WDR87: variants seen among roughly 807,000 people sequenced by gnomAD.
WDR87 encodes WD repeat domain 87.
Under a neutral mutation model 83.3 loss-of-function variants are expected in WDR87, and 56 were observed. That is an observed-to-expected ratio of 0.67 (90% CI 0.54 to 0.84). WDR87 has a LOEUF of 0.84. WDR87 is among the 40% of genes least tolerant of loss of function. The pLI is 0.00. For synonymous variants in WDR87, 1,173 were observed against 1,250.6 expected (o/e 0.94, Z 1.31); for missense variants, 2,939 against 3,431.9 (o/e 0.86, Z 3.59).
rs948952042 is a variant in WDR87 at position 37,888,741 on chromosome 19, C to T, written c.4930G>A (p.Glu1644Lys). 28 of 1,551,756 alleles carry T rather than the reference C, an allele frequency of 1.8e-5. No homozygotes were observed. The highest frequency in any genetic ancestry group is 2.2e-5 in the Non-Finnish European group (25 of 1,147,048). The change falls in exon 6 of 6, where the codon GAA (glutamate) becomes AAA (lysine). Residue 1644 changes from glutamate to lysine, a missense_variant. Coordinates refer to ENST00000447313, the MANE Select transcript of WDR87 (RefSeq NM_001291088.2). The part of the protein sequence containing the change: ...LAQEEEKLAQ[E>K]ERQLAQEERK... Reference sequence around the variant, plus strand: ...TCTTCCTGGGCCAACTGTCTCTCTTCTTGTGCAAGTTTCTCTTCTTCTTGT... The same window carrying T: ...TCTTCCTGGGCCAACTGTCTCTCTTTTTGTGCAAGTTTCTCTTCTTCTTGT...
Position 37,886,834 on chromosome 19 carries a change from T to G in WDR87, c.6837A>C (p.Gln2279His). 3 of 1,550,580 alleles carry G rather than the reference T, an allele frequency of 1.9e-6. No homozygotes were observed. The highest frequency in any genetic ancestry group is 1.7e-6 in the Non-Finnish European group (2 of 1,146,786). The change falls in exon 6 of 6, where the codon CAA becomes CAC. Residue 2279 changes from glutamine (Q) to histidine (H), a missense_variant. Physicochemically the swap from Gln to His is conservative, Grantham distance 24 (BLOSUM62 0). This residue lies in a region of WDR87 where 2,160 missense variants were observed against 2,533.1 expected (regional missense o/e 0.85). Transcript: ENST00000447313. ...CCTCCTCCTCAGAAGACAAACTCTC[T>G]TGCTTTTCTAGTTCATCTAACAGGC... ...MESLLDELEKQESLSSEEEEE... is the reference protein window; with the variant it reads ...MESLLDELEKHESLSSEEEEE...
In WDR87 at chr19:37,893,663, T is replaced by C. The variant is rs1426291518; in HGVS notation, c.2040A>G (p.Pro680=). ...YLVSCLKLLP[P]ALLTRLSFMS... ...TAAAGGAAAGGCGAGTCAGCAGGGC[T>C]GGGGGAAGCAATTTTAAACAGGACA... is the stretch of plus-strand genomic sequence containing the variant. Residue 680 remains proline (P), a synonymous_variant, in exon 4 of 6, where the codon CCA becomes CCG. Coordinates refer to ENST00000447313, the MANE Select transcript of WDR87 (RefSeq NM_001291088.2). 2 of 1,552,000 alleles carry C rather than the reference T, an allele frequency of 1.3e-6. No homozygotes were observed. The highest frequency in any genetic ancestry group is 1.7e-6 in the Non-Finnish European group (2 of 1,147,102).
rs62110236 is a variant in WDR87, at chr19:37,886,208, T to C, written c.7463A>G (p.His2488Arg). The C allele has an allele frequency of 0.044, 68,855 of 1,551,674 alleles. 1,765 individuals carry two copies. Among genetic ancestry groups the C allele is most frequent in the East Asian group, 0.1 (4,292 of 40,924 alleles). The change falls in exon 6 of 6, where the codon CAT becomes CGT. Residue 2488 changes from histidine (H) to arginine (R), a missense_variant. By Grantham distance (29) the His-to-Arg change is conservative. Around this residue, in one of 3 missense-constraint regions of WDR87, gnomAD observed 2,160 missense variants for 2,533.1 expected, o/e 0.85. Coordinates refer to ENST00000447313, the MANE Select transcript of WDR87 (RefSeq NM_001291088.2). ...VMGKYEPIPP[H>R]VLGTVLESQA... ...GGACTCCAAAACTGTACCCAAAACA[T>C]GTGGAGGTATGGGTTCATATTTTCC...
rs1226134650 is a variant in WDR87 at position 37,895,241 on chromosome 19, G to A, written c.462C>T (p.Cys154=). The part of the protein sequence containing the change: ...GKVPCRFNIS[C]LCYDPEMKML... ...TCTTCATTTCCGGGTCATAGCAGAG[G>A]CAGCTGATGTTGAAGCGGCAGGGCA... is the stretch of plus-strand genomic sequence containing the variant. The change falls in exon 4 of 6, where the codon TGC becomes TGT. Residue 154 remains cysteine (C), a synonymous_variant. Transcript: ENST00000447313. 1.3e-6 allele frequency: 2 copies of A among 1,551,626 alleles called. No individual in the cohort carries two copies. Among genetic ancestry groups the A allele is most frequent in the African/African-American group, 2.7e-5 (2 of 73,042 alleles).
At position 37,889,140 on chromosome 19, in the gene WDR87, C is replaced by G. The variant is rs564224795; in HGVS notation, c.4531G>C (p.Gly1511Arg). 119 of 1,552,342 alleles carry G rather than the reference C, an allele frequency of 7.7e-5. 1 individual carries two copies. In the South Asian group the frequency reaches 1.3e-3, roughly 17 times the overall value. ...KAWDEWKQVH[G>R]ETRKSWKAWK... ...GCCTTCCAGGATTTCCTTGTCTCACCATGGACCTGTTTCCACTCATCCCAG... is the reference window on the plus strand; with the variant it reads ...GCCTTCCAGGATTTCCTTGTCTCACGATGGACCTGTTTCCACTCATCCCAG... The change falls in exon 6 of 6, where the codon GGT becomes CGT. Residue 1511 changes from glycine (G) to arginine (R), a missense_variant. By Grantham distance (125) the Gly-to-Arg change is moderately radical. This residue lies in a region of WDR87 where 2,160 missense variants were observed against 2,533.1 expected (regional missense o/e 0.85). Coordinates refer to ENST00000447313, the MANE Select transcript of WDR87 (RefSeq NM_001291088.2).
At chr19:37,896,831 G>A (rs1486867456) in intron 2 of WDR87, among the ~76,000 whole-genome samples, 2 of 151,980 alleles carry the variant, frequency 1.3e-5, no homozygotes, top group African/African-American at 4.8e-5. Context: ...TGTTGGCCAC[G>A]CTGGTCTTGA....
intron 1 of WDR87, among the ~76,000 whole-genome samples, chr19:37,898,599 C>T (rs539093928): frequency 5.3e-5 from 8 of 152,276 alleles, no homozygotes; most frequent in Non-Finnish European, 7.4e-5. Flanking sequence ...AGAATACCCT[C>T]ACAGGCAAAT....
chr19:37,896,044 A>T, intron 3 of WDR87, 94 bp downstream of exon 3: 2 of 1,453,908 alleles, frequency 1.4e-6, no homozygotes, highest in Non-Finnish European at 9.3e-7. Flanking sequence ...ACATTCATCC[A>T]TGGGGAATAT....
Position 37,888,372 on chromosome 19 carries a change from GTTCTTCCATGTCCCATTCC to G in WDR87, c.5280_5298del (p.Glu1761CysfsTer8). On this transcript the variant is annotated frameshift_variant, in exon 6 of 6. Transcript: ENST00000447313. LOFTEE classifies it low-confidence loss of function (END_TRUNC). ...TTCAGTTCCTCTTCTTTCCAAGACA[GTTCTTCCATGTCCCATTCC>G]AGTTCCTCCAATTCCTGGGCCAGCT... 6.4e-7 allele frequency: 1 copy of G among 1,551,950 alleles called. No homozygotes were observed. Among genetic ancestry groups the G allele is most frequent in the African/African-American group, 1.4e-5 (1 of 73,100 alleles).
Position 37,890,185 on chromosome 19 carries a change from C to A in WDR87, c.3486G>T (p.Gly1162=), listed in dbSNP as rs2046192746. 1 of 1,551,674 alleles carries A rather than the reference C, an allele frequency of 6.4e-7. No homozygotes were observed. ...CCATCTCAATTGGTGCGGCCTCAGTCCCACTTTCATCCTCTAAGAGGCCTG... is the reference window on the plus strand; with the variant it reads ...CCATCTCAATTGGTGCGGCCTCAGTACCACTTTCATCCTCTAAGAGGCCTG... ...TEPGLLEDES[G]TEAAPIEMEE... Residue 1162 remains glycine, a synonymous_variant, in exon 6 of 6, where the codon GGG becomes GGT. Coordinates refer to ENST00000447313, the MANE Select transcript of WDR87 (RefSeq NM_001291088.2).
At chr19:37,896,070 TG>T in intron 3 of WDR87, 67 bp downstream of exon 3, 1 of 1,524,050 alleles carries the variant, frequency 6.6e-7, no homozygotes, top group Non-Finnish European at 8.9e-7. Flanking sequence ...TTTGTCAATC[TG>T]GGCTAACAGT....
rs1334930415 is a variant in WDR87, at chr19:37,886,513, T to C, written c.7158A>G (p.Glu2386=). The C allele has an allele frequency of 4.0e-6, 6 of 1,505,358 alleles. No homozygotes were observed. Among genetic ancestry groups the C allele is most frequent in the Non-Finnish European group, 5.3e-6 (6 of 1,132,894 alleles). 93.3% of individuals were successfully genotyped at this position (1,505,358 alleles called of 1,614,324 possible). The part of the protein sequence containing the change: ...VDREKEILKK[E]KQFKLQEQRR... ...TTTGTTCTTGTAACTTAAATTGTTT[T>C]TCTTTTTTTAAGATCTCTTTTTCCC... The change falls in exon 6 of 6, where the codon GAA becomes GAG. Residue 2386 remains glutamate, a synonymous_variant. Transcript: ENST00000447313.
Position 37,889,826 on chromosome 19 carries a change from C to G in WDR87, c.3845G>C (p.Arg1282Thr), listed in dbSNP as rs964470734. The G allele has an allele frequency of 1.3e-5, 20 of 1,551,764 alleles. No homozygotes were observed. In the Middle Eastern group the frequency reaches 1.2e-3, roughly 91 times the overall value. The change falls in exon 6 of 6, where the codon AGG (arginine) becomes ACG (threonine). Residue 1282 changes from arginine to threonine, a missense_variant. Arg to Thr is a moderately conservative substitution (Grantham distance 71). Coordinates refer to ENST00000447313, the MANE Select transcript of WDR87 (RefSeq NM_001291088.2). ...GGCCATAAGACGACATAGATCGTCC[C>G]TCCATGATGAGCCATCTCCAGCGGT... is the stretch of plus-strand genomic sequence containing the variant. ...RSTAGDGSSW[R>T]DDLCRLMALR...
In WDR87 at chr19:37,887,201, A is replaced by G; in HGVS notation, c.6470T>C (p.Leu2157Pro). 6.4e-7 allele frequency: 1 copy of G among 1,551,730 alleles called. No homozygotes were observed. The highest frequency in any genetic ancestry group is 8.7e-7 in the Non-Finnish European group (1 of 1,147,034). The change falls in exon 6 of 6, where the codon CTG becomes CCG. Residue 2157 changes from leucine to proline, a missense_variant. Leu to Pro is a moderately conservative substitution (Grantham distance 98). Transcript: ENST00000447313. The part of the protein sequence containing the change: ...ERRLSIEQSK[L>P]DIKEWDFSEK... ...AGAAAAATCCCACTCTTTGATATCCAGCTTACTCTGTTCTATACTCAACCT... is the reference window on the plus strand; with the variant it reads ...AGAAAAATCCCACTCTTTGATATCCGGCTTACTCTGTTCTATACTCAACCT...
chr19:37,900,962 CAAAAAA>C (rs878938966), intron 1 of WDR87, among the ~76,000 whole-genome samples: 2 of 29,512 alleles, frequency 6.8e-5, no homozygotes, highest in Non-Finnish European at 1.7e-4. Context: ...CCTGTCTCTA[CAAAAAA>C]AAAAAAAAAA....
intron 2 of WDR87, among the ~76,000 whole-genome samples, 173 bp downstream of exon 2, chr19:37,897,992 G>C (rs1224331669): frequency 6.6e-6 from 1 of 152,172 alleles, no homozygotes; most frequent in African/African-American, 2.4e-5. Flanking sequence ...GTCCTTGCGA[G>C]AAGTCTGTGA....
intron 3 of WDR87, 67 bp downstream of exon 3, chr19:37,896,071 G>C: frequency 6.5e-7 from 1 of 1,527,892 alleles, no homozygotes. Flanking sequence ...TTGTCAATCT[G>C]GGCTAACAGT....
chr19:37,891,166 C>T (rs1320018637), intron 5 of WDR87, among the ~76,000 whole-genome samples: 2 of 137,550 alleles, frequency 1.5e-5, no homozygotes, highest in South Asian at 2.3e-4. Context: ...TGGTATCTCT[C>T]TTTTTTTTTT....
intron 3 of WDR87, among the ~76,000 whole-genome samples, chr19:37,895,704 C>T (rs2046249826): frequency 7.1e-6 from 1 of 141,780 alleles, no homozygotes; most frequent in Non-Finnish European, 1.5e-5. Flanking sequence ...GAGGCAAAGG[C>T]TGCAGTGAGC....
Sources: gnomAD v4.1 joint callset for allele counts (sites outside exome capture counted in the v4.1 genomes callset) on GRCh38, gnomAD v4.1.1 for gene constraint, gnomAD v4.1.1 regional missense constraint, MANE v1.5 for transcripts, NCBI Gene and HGNC (gene_info 2026-07-23, HGNC 2026-07-21) for gene names.